The following PRKN variants were observed in gnomAD, a reference collection of about 807,000 sequenced individuals.
PRKN encodes the protein E3 ubiquitin-protein ligase parkin.
In PRKN, 56 loss-of-function variants were observed where a neutral mutation model predicts 59.5. The observed-to-expected ratio is 0.94, with a 90% CI of 0.76 to 1.18. PRKN has a LOEUF of 1.18. Among genes scored for constraint, PRKN ranks in the 50% most tolerant of loss-of-function variants. The probability of loss-of-function intolerance (pLI) is 0.00; values close to 1 mark genes in which losing one functional copy is unlikely to be tolerated. For missense variants in PRKN, 657 were observed against 596.4 expected, an observed-to-expected ratio of 1.10 and a Z score of -1.06; for synonymous variants, 250 against 222.1, an observed-to-expected ratio of 1.13 and a Z score of -1.12.
In PRKN at chr6:161,548,687, A is replaced by G. The variant is rs1779881312; in HGVS notation, c.1083+167T>C. 2 of 670,038 alleles carry G rather than the reference A, an allele frequency of 3.0e-6. No individual in the cohort carries two copies. The highest frequency in any genetic ancestry group is 2.6e-6 in the Non-Finnish European group (1 of 387,462). 41.5% of individuals were successfully genotyped at this position (670,038 alleles called of 1,614,324 possible). A position where few individuals can be genotyped will look rare whatever the true frequency, so the allele number is the denominator to read the frequency against. On this transcript the variant is annotated intron_variant, in intron 9 of 11. Transcript: ENST00000366898. The surrounding 1 kb of genome is among the most constrained non-coding windows in gnomAD (Gnocchi z 4.2). ...CCAAAATAAATACATAAATTTTCAA[A>G]TCTGGAGTCCTATAAAGGAATTTAA...
intron 7 of PRKN, among the ~76,000 whole-genome samples, chr6:161,757,886 T>TATACAC (rs1416363617): frequency 2.1e-4 from 24 of 116,234 alleles, no homozygotes; most frequent in African/African-American, 8.0e-4. Flanking sequence ...TATATATATA[T>TATACAC]ACACACACAC....
chr6:161,373,608 G>A lies in PRKN; in HGVS notation c.1167+13186C>T, dbSNP rs2114903670. On this transcript the variant is annotated intron_variant, in intron 10 of 11. Transcript: ENST00000366898. This position sits in a 1 kb window ranked among gnomAD's most constrained non-coding sequence, Gnocchi z 4.8. ...CCTCTGTGCTTTGCAGGGGTGATGA[G>A]TTAAATGGCCATGCCTCTGTGCTTG... Among the ~76,000 whole-genome samples the A allele has an allele frequency of 1.6e-5, 2 of 124,176 alleles. No homozygotes were observed. The highest frequency in any genetic ancestry group is 5.8e-5 in the African/African-American group (2 of 34,496). The allele number at this position is 124,176 out of a possible 152,430, so 81.5% of individuals were successfully genotyped here. A position where few individuals can be genotyped will look rare whatever the true frequency, so the allele number is the denominator to read the frequency against.
intron 1 of PRKN, among the ~76,000 whole-genome samples, chr6:162,566,509 T>G (rs1403682843): frequency 1.3e-5 from 2 of 152,164 alleles, no homozygotes; most frequent in Non-Finnish European, 2.9e-5. Context: ...AGCAACTATA[T>G]GTCAATATAT....
rs556709881 is a variant in PRKN, at chr6:161,473,880, A to G, written c.1083+74974T>C. 1.2e-4 allele frequency among the ~76,000 whole-genome samples: 18 copies of G among 152,266 alleles called. No homozygotes were observed. In the South Asian group the frequency reaches 3.7e-3, roughly 32 times the overall value. On this transcript the variant is annotated intron_variant, in intron 9 of 11. Transcript: ENST00000366898. This position sits in a 1 kb window ranked among gnomAD's most constrained non-coding sequence, Gnocchi z 4.1. ...GTAAATAAGAAAGGAGAGCAGGTGG[A>G]GTGGCATTTTTATATACAAGATCGC...
chr6:162,632,952 A>G (rs1167433506), intron 1 of PRKN, among the ~76,000 whole-genome samples: 1 of 152,178 alleles, frequency 6.6e-6, no homozygotes, highest in Non-Finnish European at 1.5e-5. Flanking sequence ...TTTGTTCAGT[A>G]CAATCCCTTG....
rs1784386877 is a variant in PRKN, at chr6:161,347,626, T to TTTG, written c.*2472_*2473insCAA. The TTTG allele has an allele frequency of 6.8e-6, 1 of 147,372 alleles. No individual in the cohort carries two copies. The highest frequency in any genetic ancestry group is 2.5e-5 in the African/African-American group (1 of 39,574). 9.1% of individuals were successfully genotyped at this position (147,372 alleles called of 1,614,324 possible). On this transcript the variant is annotated 3_prime_UTR_variant, in exon 12 of 12. Transcript: ENST00000366898. ...TCTTGCTTTTTTGTTTTTGTTTTTT[T>TTTG]TTTTTTTTTGAGACAGAGTCTCACT...
intron 1 of PRKN, among the ~76,000 whole-genome samples, chr6:162,525,147 T>C (rs1410722191): frequency 6.6e-6 from 1 of 152,114 alleles, no homozygotes; most frequent in African/African-American, 2.4e-5. Context: ...CAGTTAGTCC[T>C]GCTTAGTCCT....
chr6:162,281,236 G>A (rs535088535), intron 2 of PRKN, among the ~76,000 whole-genome samples: 55 of 151,816 alleles, frequency 3.6e-4, no homozygotes, highest in Non-Finnish European at 7.2e-4. Flanking sequence ...TGGACACAGG[G>A]AGGGGAACAT....
At chr6:162,719,910 A>AC (rs1562523808) in intron 1 of PRKN, among the ~76,000 whole-genome samples, 3 of 150,778 alleles carry the variant, frequency 2.0e-5, no homozygotes, top group Middle Eastern at 3.4e-3. Context: ...AAAAAAAAAA[A>AC]AAAAAAAAAC....
chr6:162,552,938 G>A (rs1199797530), intron 1 of PRKN, among the ~76,000 whole-genome samples: 1 of 152,150 alleles, frequency 6.6e-6, no homozygotes, highest in Admixed American at 6.5e-5. Flanking sequence ...AGAGGGGGTG[G>A]TCCACAGTGC....
At chr6:162,705,202 G>T (rs573611365) in intron 1 of PRKN, among the ~76,000 whole-genome samples, 1 of 152,246 alleles carries the variant, frequency 6.6e-6, no homozygotes, top group East Asian at 1.9e-4. Context: ...TGTTTGAGGG[G>T]TCAGACCCTT....
intron 1 of PRKN, among the ~76,000 whole-genome samples, chr6:162,553,801 C>CAAAAAAAAAAAAAAAAAAAA (rs1223897915): frequency 3.3e-5 from 1 of 30,372 alleles, no homozygotes; most frequent in Non-Finnish European, 5.2e-5. Flanking sequence ...GAATCCATCT[C>CAAAAAAAAAAAAAAAAAAAA]AAAAAAAAAA....
intron 4 of PRKN, among the ~76,000 whole-genome samples, chr6:162,200,258 A>G (rs1407294797): frequency 2.0e-5 from 3 of 152,042 alleles, no homozygotes; most frequent in Admixed American, 6.6e-5. Context: ...TTGCAACCAC[A>G]TCACATCCAG....
chr6:162,465,990 C>T (rs1210957063), intron 1 of PRKN, among the ~76,000 whole-genome samples: 2 of 152,138 alleles, frequency 1.3e-5, no homozygotes, highest in African/African-American at 4.8e-5. Flanking sequence ...AAGACGACAA[C>T]TCCAAATAAC....
intron 4 of PRKN, among the ~76,000 whole-genome samples, chr6:162,146,005 C>A (rs1368156515): frequency 6.6e-6 from 1 of 152,180 alleles, no homozygotes; most frequent in East Asian, 1.9e-4. Context: ...ATCTGCCACA[C>A]AGAAAAGGTT....
At chr6:162,207,373 C>G (rs1358207370) in intron 3 of PRKN, among the ~76,000 whole-genome samples, 4 of 151,802 alleles carry the variant, frequency 2.6e-5, no homozygotes, top group Non-Finnish European at 5.9e-5. Context: ...CTCTGTCCCC[C>G]CAACCAAAAA....
At chr6:162,213,595 G>A (rs1455885362) in intron 3 of PRKN, among the ~76,000 whole-genome samples, 2 of 151,906 alleles carry the variant, frequency 1.3e-5, no homozygotes, top group African/African-American at 4.8e-5. Flanking sequence ...TGAATATGGT[G>A]GCACATGCCT....
chr6:162,284,215 C>CTT (rs35609309), intron 2 of PRKN, among the ~76,000 whole-genome samples: 3,443 of 75,600 alleles, frequency 0.046, 342 homozygotes, highest in Non-Finnish European at 0.069. Context: ...TTATTTCTTT[C>CTT]TTTTTTTTTT....
Position 161,668,767 on chromosome 6 carries a change from C to T in PRKN, c.872-99351G>A, listed in dbSNP as rs1238862617. Among the ~76,000 whole-genome samples the T allele has an allele frequency of 2.6e-5, 4 of 152,108 alleles. No homozygotes were observed. The South Asian group carries it at 6.2e-4, about 24-fold the overall frequency. On this transcript the variant is annotated intron_variant, in intron 7 of 11. Transcript: ENST00000366898. ...AATCAATATTAACTAATTAACAATC[C>T]TATGGCGCAGGAAGATTTTTCATAA...
Sources: allele counts gnomAD v4.1 joint callset (sites outside exome capture counted in the v4.1 genomes callset), GRCh38; gene constraint gnomAD v4.1.1; non-coding constraint Gnocchi (gnomAD v3.1); transcripts MANE v1.5; gene names NCBI Gene and HGNC (gene_info 2026-07-23, HGNC 2026-07-21).